Variants in MYO3A observed in about 807,000 individuals in gnomAD.
MYO3A encodes myosin IIIA.
Under a neutral mutation model 192.7 loss-of-function variants are expected in MYO3A, and 180 were observed. The observed-to-expected ratio is 0.93, with a 90% confidence interval of 0.83 to 1.06. MYO3A has a LOEUF of 1.06. Ranked by LOEUF, MYO3A falls within the 50% of genes least tolerant of loss-of-function variation. The pLI is 0.00. For missense variants in MYO3A, 1,896 were observed against 1,905.0 expected (o/e 1.00, Z 0.09); for synonymous variants, 628 against 645.3 (o/e 0.97, Z 0.41).
intron 32 of MYO3A, 130 bp from the exon 33 acceptor site, chr10:26,201,135 G>A: frequency 2.8e-6 from 1 of 355,214 alleles, no homozygotes; most frequent in Non-Finnish European, 5.1e-6. Context: ...TTAAAATATT[G>A]TATCCACTTG....
chr10:26,149,551 A>G (rs1840674022), intron 23 of MYO3A, among the ~76,000 whole-genome samples: 2 of 152,158 alleles, frequency 1.3e-5, no homozygotes, highest in Middle Eastern at 3.4e-3. Context: ...CTGAGTTTTT[A>G]TCAGGCATGC....
chr10:26,176,062 A>C (rs1842311707), intron 30 of MYO3A, among the ~76,000 whole-genome samples: 2 of 152,316 alleles, frequency 1.3e-5, no homozygotes, highest in East Asian at 3.9e-4. Flanking sequence ...TGGTAGGCTG[A>C]GGCGGGCGGA....
In MYO3A at chr10:26,067,000, G is replaced by C. The variant is rs142631212; in HGVS notation, c.979G>C (p.Gly327Arg). The C allele has an allele frequency of 6.2e-7, 1 of 1,612,514 alleles. No individual in the cohort carries two copies. The highest frequency in any genetic ancestry group is 1.3e-5 in the African/African-American group (1 of 74,888). The change falls in exon 11 of 35, where the codon GGG becomes CGG. Residue 327 changes from glycine to arginine, a missense_variant. By Grantham distance (125) the Gly-to-Arg change is moderately radical. Coordinates refer to ENST00000642920, the MANE Select transcript of MYO3A (RefSeq NM_017433.5). The stretch of plus-strand genomic sequence containing the variant: ...ACGTGAACGTATTCACACGAAGAAA[G>C]GGAACTTCAACCGACCTCTAATATC... ...ARRERIHTKK[G>R]NFNRPLISNL...
At chr10:26,110,739 C>G (rs186240355) in intron 17 of MYO3A, among the ~76,000 whole-genome samples, 69 of 152,212 alleles carry the variant, frequency 4.5e-4, no homozygotes, top group African/African-American at 1.5e-3. Flanking sequence ...TGGTAGGCAT[C>G]CTATCATGCT....
In MYO3A at chr10:26,174,385, T is replaced by TTAAGC; in HGVS notation, c.4122_4126dup (p.His1376LeufsTer13). On this transcript the variant is annotated frameshift_variant, in exon 30 of 35. Transcript: ENST00000642920. LOFTEE classifies it high-confidence loss of function. ...TTGAGGAAGGACAAGATGTCTTCTT[T>TTAAGC]TAAGCATCAGAGGATTGTCACAACA... 6.2e-7 allele frequency: 1 copy of TTAAGC among 1,614,158 alleles called. No individual in the cohort carries two copies. Among genetic ancestry groups the TTAAGC allele is most frequent in the Non-Finnish European group, 8.5e-7 (1 of 1,180,024 alleles).
chr10:25,983,930 A>G lies in MYO3A; in HGVS notation c.304-12560A>G, dbSNP rs572412465. ...CAGATTTCTCAGCAGAAACCCTACA[A>G]ACTCGAAGGGATTGAGGTCCAATTT... On this transcript the variant is annotated intron_variant, in intron 4 of 34. Transcript: ENST00000642920. 5.9e-5 allele frequency among the ~76,000 whole-genome samples: 9 copies of G among 152,336 alleles called. No homozygotes were observed. The East Asian group carries it at 1.7e-3, about 29-fold the overall frequency.
intron 31 of MYO3A, among the ~76,000 whole-genome samples, chr10:26,179,601 G>A (rs1842516213): frequency 6.6e-6 from 1 of 152,170 alleles, no homozygotes; most frequent in Non-Finnish European, 1.5e-5. Flanking sequence ...AGAACTTACT[G>A]TATGATGATG....
At chr10:26,088,944 T>C (rs1434592706) in intron 15 of MYO3A, among the ~76,000 whole-genome samples, 1 of 152,202 alleles carries the variant, frequency 6.6e-6, no homozygotes, top group Non-Finnish European at 1.5e-5. Flanking sequence ...TTTGCGGGTT[T>C]GTAGCTTAAT....
intron 27 of MYO3A, among the ~76,000 whole-genome samples, chr10:26,168,200 T>A (rs1002598531): frequency 2.0e-5 from 3 of 152,206 alleles, no homozygotes; most frequent in African/African-American, 7.2e-5. Context: ...CAAAGGACAG[T>A]GACCTGCCTT....
At chr10:25,978,401 G>T (rs556937970) in intron 4 of MYO3A, among the ~76,000 whole-genome samples, 1 of 152,334 alleles carries the variant, frequency 6.6e-6, no homozygotes, top group Admixed American at 6.5e-5. Flanking sequence ...GTGGATGGCA[G>T]TAGGCAAAGA....
chr10:25,934,647 G>A (rs1370125635), intron 1 of MYO3A, among the ~76,000 whole-genome samples: 1 of 151,742 alleles, frequency 6.6e-6, no homozygotes, highest in Non-Finnish European at 1.5e-5. Context: ...GGGGGAAACG[G>A]GGGCGGGGGT....
chr10:26,117,789 G>A (rs1207689888), intron 17 of MYO3A, among the ~76,000 whole-genome samples: 1 of 152,064 alleles, frequency 6.6e-6, no homozygotes, highest in African/African-American at 2.4e-5. Flanking sequence ...TGTGAATAGT[G>A]CTGCAATGAA....
At chr10:26,205,355 A>T (rs1484561844) in intron 34 of MYO3A, among the ~76,000 whole-genome samples, 1 of 151,608 alleles carries the variant, frequency 6.6e-6, no homozygotes, top group Non-Finnish European at 1.5e-5. Flanking sequence ...TCTTGAATTT[A>T]TTCCTCCTGC....
chr10:26,013,324 C>T (rs764374504), intron 6 of MYO3A, among the ~76,000 whole-genome samples: 71 of 150,196 alleles, frequency 4.7e-4, no homozygotes, highest in Admixed American at 1.1e-3. Flanking sequence ...AAATAATCAA[C>T]GGAATAAACA....
At chr10:26,132,252 G>GA (rs1400841618) in intron 20 of MYO3A, among the ~76,000 whole-genome samples, 9 of 152,304 alleles carry the variant, frequency 5.9e-5, no homozygotes, top group Non-Finnish European at 1.2e-4. Flanking sequence ...GAAGTTCTCT[G>GA]GAATCACCTA....
intron 17 of MYO3A, among the ~76,000 whole-genome samples, chr10:26,109,666 G>A (rs1270926924): frequency 6.6e-6 from 1 of 152,198 alleles, no homozygotes; most frequent in Non-Finnish European, 1.5e-5. Context: ...AATTGTTGCT[G>A]TGAAACATTC....
chr10:26,097,696 T>A (rs926653234), intron 17 of MYO3A, among the ~76,000 whole-genome samples: 1 of 152,184 alleles, frequency 6.6e-6, no homozygotes, highest in African/African-American at 2.4e-5. Context: ...TTCATCCTTG[T>A]CCCTACAAAG....
intron 22 of MYO3A, among the ~76,000 whole-genome samples, chr10:26,146,161 A>T (rs1840455083): frequency 6.6e-6 from 1 of 152,200 alleles, no homozygotes; most frequent in South Asian, 2.1e-4. Flanking sequence ...CAGCAGAGAA[A>T]ACCTCAGATT....
Position 26,038,949 on chromosome 10 carries a change from T to C in MYO3A, c.953+12417T>C, listed in dbSNP as rs1454744956. ...CATTCTGTTGATATAATGTATCACA[T>C]TGATTGATTTGCATATGTTGAACCA... On this transcript the variant is annotated intron_variant, in intron 10 of 34. Transcript: ENST00000642920. Among the ~76,000 whole-genome samples, 4 of 152,224 alleles carry C rather than the reference T, an allele frequency of 2.6e-5. 1 individual carries two copies. The East Asian group carries it at 5.8e-4, about 22-fold the overall frequency.
Sources: allele counts gnomAD v4.1 joint callset (sites outside exome capture counted in the v4.1 genomes callset), GRCh38; gene constraint gnomAD v4.1.1; transcripts MANE v1.5; gene names NCBI Gene and HGNC (gene_info 2026-07-23, HGNC 2026-07-21).